The following SLC25A48 variants were observed in gnomAD, a reference collection of about 807,000 sequenced individuals.
The protein encoded by SLC25A48 is CTC-321K16.1.
SLC25A48 carries 29 observed loss-of-function variants against 32.2 expected under a neutral mutation model. The ratio of observed to expected loss-of-function variants is 0.90; its 90% confidence interval spans 0.67 to 1.23. The LOEUF (loss-of-function observed/expected upper bound fraction) is 1.23, where lower values mean the gene tolerates loss of function less well. SLC25A48 is among the 50% of genes most tolerant of loss of function. The pLI is 0.00. For synonymous variants in SLC25A48, 164 were observed against 172.3 expected (o/e 0.95, Z 0.38); for missense variants, 399 against 422.7 (o/e 0.94, Z 0.49).
At chr5:135,862,583 A>C (rs574918469) in intron 4 of SLC25A48, among the ~76,000 whole-genome samples, 1 of 152,202 alleles carries the variant, frequency 6.6e-6, no homozygotes, top group African/African-American at 2.4e-5. Flanking sequence ...GTGTGCTTCA[A>C]TGAGAAAGGC....
chr5:135,610,244 G>C (rs1403271225), intron 1 of SLC25A48, among the ~76,000 whole-genome samples: 2 of 152,036 alleles, frequency 1.3e-5, no homozygotes, highest in Non-Finnish European at 2.9e-5. Context: ...ACCTGACGGG[G>C]GTGCCCATCT....
At chr5:135,848,738 C>T (rs1436818667) in intron 2 of SLC25A48, among the ~76,000 whole-genome samples, 1 of 152,116 alleles carries the variant, frequency 6.6e-6, no homozygotes. Context: ...AAAATAGGCC[C>T]CGAACAAATA....
At chr5:135,626,972 A>T (rs1752453947) in intron 1 of SLC25A48, among the ~76,000 whole-genome samples, 1 of 152,218 alleles carries the variant, frequency 6.6e-6, no homozygotes, top group Admixed American at 6.5e-5. Context: ...GACCCATAGA[A>T]GTAGCCCCAC....
chr5:135,766,901 A>G (rs1319251557), intron 3 of SLC25A48, among the ~76,000 whole-genome samples: 2 of 150,860 alleles, frequency 1.3e-5, no homozygotes, highest in African/African-American at 4.9e-5. Flanking sequence ...GGGTGTGTAC[A>G]CTCTCCTATG....
chr5:135,828,924 T>C (rs1758135993), intron 4 of SLC25A48, among the ~76,000 whole-genome samples: 1 of 152,248 alleles, frequency 6.6e-6, no homozygotes, highest in South Asian at 2.1e-4. Context: ...CCTCTGCCTC[T>C]GCACACTTCT....
intron 5 of SLC25A48, among the ~76,000 whole-genome samples, chr5:135,872,900 C>T (rs1339753445): frequency 6.6e-6 from 1 of 152,240 alleles, no homozygotes; most frequent in African/African-American, 2.4e-5. Flanking sequence ...CACGTTCTGG[C>T]CCCCAGGTGC....
rs535984234 is a variant in SLC25A48 at position 135,746,348 on chromosome 5, C to A, written c.-520-66175C>A. 132 of 160,714 alleles carry A rather than the reference C, an allele frequency of 8.2e-4. 3 individuals carry two copies. Among genetic ancestry groups the A allele is most frequent in the Non-Finnish European group, 1.8e-4 (13 of 72,798 alleles). The allele number at this position is 160,714 out of a possible 1,614,324, so 10.0% of individuals were successfully genotyped here. On this transcript the variant is annotated intron_variant, in intron 3 of 10. Transcript: ENST00000646290. ...CCTTGGCCTCCCTGGGCACTGAGGGCCCCTGGAAAGTCTGCACAGAGACAA... is the reference window on the plus strand; with the variant it reads ...CCTTGGCCTCCCTGGGCACTGAGGGACCCTGGAAAGTCTGCACAGAGACAA...
At chr5:135,878,988 G>A (rs7734448) in intron 6 of SLC25A48, among the ~76,000 whole-genome samples, 5,005 of 152,222 alleles carry the variant, frequency 0.033, 312 homozygotes, top group African/African-American at 0.11. Flanking sequence ...TTGAGAGTTG[G>A]AATCCCATCA....
upstream of SLC25A48, among the ~76,000 whole-genome samples, chr5:135,834,236 A>G (rs1036495045): frequency 2.6e-5 from 4 of 152,194 alleles, no homozygotes; most frequent in Admixed American, 6.5e-5. Flanking sequence ...AGGGCCAGGC[A>G]GGGAGCTGGG....
At chr5:135,853,599 C>T (rs993661238) in intron 4 of SLC25A48, among the ~76,000 whole-genome samples, 15 of 152,210 alleles carry the variant, frequency 9.9e-5, no homozygotes, top group African/African-American at 3.4e-4. Context: ...CACCATTCAG[C>T]CCCATCTTCA....
At chr5:135,637,441 C>A (rs1752731148) in intron 3 of SLC25A48, among the ~76,000 whole-genome samples, 3 of 152,156 alleles carry the variant, frequency 2.0e-5, no homozygotes, top group Admixed American at 2.0e-4. Flanking sequence ...AAAGATGTTA[C>A]CAACTTCAAG....
chr5:135,713,898 G>T (rs1473279367), intron 3 of SLC25A48, among the ~76,000 whole-genome samples: 1 of 152,212 alleles, frequency 6.6e-6, no homozygotes, highest in Non-Finnish European at 1.5e-5. Context: ...CCGTTGGGTT[G>T]GTCGTGTGGG....
At chr5:135,766,965 G>T (rs529168866) in intron 3 of SLC25A48, among the ~76,000 whole-genome samples, 1 of 151,636 alleles carries the variant, frequency 6.6e-6, no homozygotes, top group Non-Finnish European at 1.5e-5. Flanking sequence ...TTCATACCAC[G>T]GGAAGTATGA....
chr5:135,787,501 A>G (rs1430655975), intron 3 of SLC25A48, among the ~76,000 whole-genome samples: 1 of 151,980 alleles, frequency 6.6e-6, no homozygotes. Context: ...ATCACAGGAG[A>G]TGTATAACCT....
chr5:135,873,645 T>C (rs1390726557), intron 5 of SLC25A48, among the ~76,000 whole-genome samples: 2 of 152,178 alleles, frequency 1.3e-5, no homozygotes, highest in East Asian at 3.9e-4. Context: ...CAAGTACCTG[T>C]GGAGCCTGTT....
intron 3 of SLC25A48, among the ~76,000 whole-genome samples, chr5:135,722,741 G>C (rs1754985688): frequency 6.6e-6 from 1 of 152,240 alleles, no homozygotes; most frequent in African/African-American, 2.4e-5. Flanking sequence ...TGAAACAACA[G>C]CAGCAATGAC....
intron 3 of SLC25A48, among the ~76,000 whole-genome samples, chr5:135,739,813 A>T (rs1401023867): frequency 6.6e-6 from 1 of 152,202 alleles, no homozygotes; most frequent in Non-Finnish European, 1.5e-5. Flanking sequence ...GCATAAAGAA[A>T]AACAGCTGAT....
chr5:135,721,137 G>GTTCAAGCGATTCTCCTGCC (rs1754942462), intron 3 of SLC25A48, among the ~76,000 whole-genome samples: 1 of 146,882 alleles, frequency 6.8e-6, no homozygotes, highest in Non-Finnish European at 1.5e-5. Flanking sequence ...TGCCTCCTGG[G>GTTCAAGCGATTCTCCTGCC]TTCAAGCGAT....
rs1221719241 is a variant in SLC25A48 at position 135,784,566 on chromosome 5, C to A, written c.-520-27957C>A. Among the ~76,000 whole-genome samples the A allele has an allele frequency of 2.5e-5, 3 of 117,670 alleles. 1 individual carries two copies. The East Asian group carries it at 6.4e-4, about 25-fold the overall frequency. 77.2% of individuals were successfully genotyped at this position (117,670 alleles called of 152,430 possible). ...CCCCCAATATTGCAGAAAGTGTACA[C>A]CCACCACGTGATATTGTTTCTAACA... On this transcript the variant is annotated intron_variant, in intron 3 of 10. Coordinates refer to the SLC25A48 transcript ENST00000646290.
Sources: allele counts gnomAD v4.1 joint callset (sites outside exome capture counted in the v4.1 genomes callset), GRCh38; gene constraint gnomAD v4.1.1; transcripts MANE v1.5; gene names NCBI Gene and HGNC (gene_info 2026-07-23, HGNC 2026-07-21).